The following PGM5 variants were observed in gnomAD, a reference collection of about 807,000 sequenced individuals.
The protein encoded by PGM5 is phosphoglucomutase-like protein 5.
Under a neutral mutation model 59.2 loss-of-function variants are expected in PGM5, and 23 were observed. The ratio of observed to expected loss-of-function variants is 0.39; its 90% confidence interval spans 0.28 to 0.55. The LOEUF is 0.55. Among genes scored for constraint, PGM5 ranks in the 20% least tolerant of loss-of-function variants. The pLI is 0.66. For synonymous variants in PGM5, 214 were observed against 286.0 expected, an observed-to-expected ratio of 0.75 and a Z score of 2.54; for missense variants, 574 against 748.3, an observed-to-expected ratio of 0.77 and a Z score of 2.72.
intron 10 of PGM5, among the ~76,000 whole-genome samples, chr9:68,511,628 G>A (rs1354779310): frequency 8.1e-6 from 1 of 123,418 alleles, no homozygotes; most frequent in Non-Finnish European, 1.6e-5. Flanking sequence ...TCAGCTCACT[G>A]CAACCTCCAC....
At chr9:68,524,768 T>G (rs1270739399) in intron 10 of PGM5, among the ~76,000 whole-genome samples, 3 of 152,172 alleles carry the variant, frequency 2.0e-5, no homozygotes. Context: ...TCTTTCTCTC[T>G]TTATCCTTGT....
intron 10 of PGM5, among the ~76,000 whole-genome samples, chr9:68,505,929 T>C (rs1824646860): frequency 6.6e-6 from 1 of 152,124 alleles, no homozygotes; most frequent in Admixed American, 6.6e-5. Context: ...CACCTGAAAC[T>C]ATGTTGGGGC....
At chr9:68,409,135 C>A (rs1489014810) in intron 6 of PGM5, among the ~76,000 whole-genome samples, 169 of 143,420 alleles carry the variant, frequency 1.2e-3, no homozygotes, top group East Asian at 2.1e-3. Context: ...TGCTCATCAT[C>A]ACTGGCCATC....
chr9:68,502,754 A>C (rs1051608038), intron 10 of PGM5, among the ~76,000 whole-genome samples: 2 of 152,096 alleles, frequency 1.3e-5, no homozygotes, highest in Admixed American at 6.5e-5. Context: ...CAGTGGCATG[A>C]TCTCAGCTCA....
chr9:68,393,678 A>C (rs1242749538), intron 6 of PGM5, among the ~76,000 whole-genome samples: 4 of 152,140 alleles, frequency 2.6e-5, no homozygotes, highest in Admixed American at 6.6e-5. Flanking sequence ...ACTTTCATAC[A>C]TTGCAAACAA....
rs1252668073 is a variant in PGM5, at chr9:68,499,315, CAGAGAGCTACG to C, written c.1573_1583del (p.Ser525GlyfsTer6). 5.0e-6 allele frequency: 8 copies of C among 1,614,052 alleles called. No homozygotes were observed. The highest frequency in any genetic ancestry group is 5.9e-6 in the Non-Finnish European group (7 of 1,180,034). On this transcript the variant is annotated frameshift_variant, in exon 10 of 11. Transcript: ENST00000396396. LOFTEE classifies it high-confidence loss of function. Reference sequence around the variant, plus strand: ...GTGCGGGCCACCCTCAGACTGTACGCAGAGAGCTACGAGAGGGATCCCAGCGGCCATGACCA... The same window carrying C: ...GTGCGGGCCACCCTCAGACTGTACGCAGAGGGATCCCAGCGGCCATGACCA...
chr9:68,416,746 A>G (rs1384694463), intron 6 of PGM5, among the ~76,000 whole-genome samples: 1 of 152,222 alleles, frequency 6.6e-6, no homozygotes, highest in Admixed American at 6.5e-5. Context: ...GCAGCAGAAT[A>G]TCTCAGAAAT....
rs1340164023 is a variant in PGM5, at chr9:68,357,074, G to C, written c.-54G>C. 8.5e-5 allele frequency: 121 copies of C among 1,416,064 alleles called. No individual in the cohort carries two copies. The highest frequency in any genetic ancestry group is 1.1e-4 in the Non-Finnish European group (119 of 1,092,022). The allele number at this position is 1,416,064 out of a possible 1,614,324, so 87.7% of individuals were successfully genotyped here. ...CCAGGCTGGTGGAGGCCCCCGGCAG[G>C]CTGCAGATTCCCTCCGGCTCCGGGA... On this transcript the variant is annotated 5_prime_UTR_variant, in exon 1 of 11. Transcript: ENST00000396396.
intron 6 of PGM5, among the ~76,000 whole-genome samples, chr9:68,404,420 C>T (rs1472644036): frequency 6.6e-6 from 1 of 152,198 alleles, no homozygotes; most frequent in Non-Finnish European, 1.5e-5. Context: ...TGAGCTACTG[C>T]GCCCAGCCTA....
intron 1 of PGM5, among the ~76,000 whole-genome samples, chr9:68,363,409 T>C (rs1476703064): frequency 2.6e-4 from 40 of 152,284 alleles, no homozygotes; most frequent in African/African-American, 9.6e-4. Context: ...GGTTAGTAGC[T>C]ACCATACTGG....
chr9:68,405,515 G>C, intron 6 of PGM5: 1 of 152,506 alleles, frequency 6.6e-6, no homozygotes, highest in Non-Finnish European at 1.5e-5. Context: ...ATTCAAATTG[G>C]AACAGTGGTT....
At chr9:68,491,178 A>G (rs1343895977) in intron 9 of PGM5, among the ~76,000 whole-genome samples, 2 of 152,224 alleles carry the variant, frequency 1.3e-5, no homozygotes, top group Non-Finnish European at 2.9e-5. Flanking sequence ...CTTAAAATCT[A>G]GCAGGGAAGA....
At chr9:68,393,343 A>G (rs1416208883) in intron 6 of PGM5, among the ~76,000 whole-genome samples, 1 of 150,134 alleles carries the variant, frequency 6.7e-6, no homozygotes, top group Admixed American at 6.7e-5. Context: ...TAATATACAT[A>G]ATATATATAC....
chr9:68,458,275 T>G (rs1823809056), intron 6 of PGM5, among the ~76,000 whole-genome samples: 1 of 152,212 alleles, frequency 6.6e-6, no homozygotes, highest in Non-Finnish European at 1.5e-5. Context: ...CTATGTTGCC[T>G]AACAAAATTT....
intron 6 of PGM5, among the ~76,000 whole-genome samples, chr9:68,410,054 G>A (rs1822899977): frequency 6.6e-6 from 1 of 152,268 alleles, no homozygotes; most frequent in East Asian, 1.9e-4. Flanking sequence ...TCATAGCTCT[G>A]CCTCCCTAGT....
At chr9:68,383,723 C>A (rs1587782282) in intron 2 of PGM5, among the ~76,000 whole-genome samples, 4 of 98,372 alleles carry the variant, frequency 4.1e-5, no homozygotes, top group East Asian at 2.9e-4. Context: ...AAATGGCTTG[C>A]ATTAAGATAT....
chr9:68,527,767 T>C (rs1025337981), intron 10 of PGM5, among the ~76,000 whole-genome samples: 3 of 152,222 alleles, frequency 2.0e-5, no homozygotes, highest in Non-Finnish European at 4.4e-5. Context: ...GCCATCTTCA[T>C]AGAGTAAGAT....
At chr9:68,372,302 C>A (rs1298287871) in intron 1 of PGM5, among the ~76,000 whole-genome samples, 1 of 150,648 alleles carries the variant, frequency 6.6e-6, no homozygotes, top group African/African-American at 2.5e-5. Context: ...CTTCTGGCAG[C>A]AGAATACATT....
intron 6 of PGM5, among the ~76,000 whole-genome samples, chr9:68,452,851 T>G (rs1328359922): frequency 4.6e-5 from 7 of 152,206 alleles, no homozygotes; most frequent in Non-Finnish European, 1.0e-4. Context: ...GGCATCACCT[T>G]CCAACATCTC....
Sources: allele counts gnomAD v4.1 joint callset (sites outside exome capture counted in the v4.1 genomes callset), GRCh38; gene constraint gnomAD v4.1.1; transcripts MANE v1.5; gene names NCBI Gene and HGNC (gene_info 2026-07-23, HGNC 2026-07-21).